ZFAND2A: variants seen among roughly 807,000 people sequenced by gnomAD.
ZFAND2A encodes the protein zinc finger AN1-type containing 2A, also known as AN1-type zinc finger protein 2A.
ZFAND2A carries 20 observed loss-of-function variants against 11.6 expected under a neutral mutation model. The observed-to-expected ratio is 1.72, with a 90% CI of 1.21 to 2.50. The LOEUF (loss-of-function observed/expected upper bound fraction) is 2.50, where lower values mean the gene tolerates loss of function less well. Ranked by LOEUF, ZFAND2A falls within the 30% of genes most tolerant of loss-of-function variation. ZFAND2A has a pLI of 0.00. For synonymous variants in ZFAND2A, 93 were observed against 60.6 expected (o/e 1.54, Z -2.48); for missense variants, 234 against 182.9 (o/e 1.28, Z -1.61).
chr7:1,152,876 C>A, downstream of ZFAND2A: 1 of 858,554 alleles, frequency 1.2e-6, no homozygotes. Context: ...TACTTGGTGA[C>A]GGCAGCAGTG....
At chr7:1,150,414 G>GA (rs1397176289), downstream of ZFAND2A, among the ~76,000 whole-genome samples, 1 of 152,048 alleles carries the variant, frequency 6.6e-6, no homozygotes. Flanking sequence ...GTTCAGAACA[G>GA]GACAGAACTT....
At chr7:1,151,260 A>C (rs1793392418), downstream of ZFAND2A, among the ~76,000 whole-genome samples, 1 of 152,154 alleles carries the variant, frequency 6.6e-6, no homozygotes, top group African/African-American at 2.4e-5. Context: ...TCTCTCACAC[A>C]GTGTCCCAGC....
chr7:1,153,357 C>T (rs766639520), intron 4 of ZFAND2A, 133 bp from the exon 5 acceptor site: 21 of 930,254 alleles, frequency 2.3e-5, no homozygotes, highest in Non-Finnish European at 3.3e-5. Flanking sequence ...AAGTGATTCT[C>T]CTGCTTCAGC....
At chr7:1,157,774 T>C in intron 2 of ZFAND2A, 24 bp from the exon 3 acceptor site, 3 of 1,513,500 alleles carry the variant, frequency 2.0e-6, no homozygotes, top group South Asian at 1.2e-5. Context: ...AACAGGGAAG[T>C]GTTTTAACGA....
rs1168742858 is a variant in ZFAND2A at position 1,160,028 on chromosome 7, T to C, written c.-110A>G. The C allele has an allele frequency of 3.9e-5, 6 of 154,272 alleles. No homozygotes were observed. In the Admixed American group the frequency reaches 3.9e-4, roughly 10 times the overall value. 9.6% of individuals were successfully genotyped at this position (154,272 alleles called of 1,614,324 possible). ...CAGATGGAAGAGACGTAAACTCAGG[T>C]GTCCTCCTCCGTAGTCGGCTCCGGG... On this transcript the variant is annotated 5_prime_UTR_variant, in exon 1 of 5. Transcript: ENST00000316495.
rs774780121 is a variant in ZFAND2A at position 1,153,144 on chromosome 7, G to A, written c.363C>T (p.Asn121=). The change falls in exon 5 of 5, where the codon AAC becomes AAT. Residue 121 remains asparagine, a synonymous_variant. Transcript: ENST00000316495. The part of the protein sequence containing the change: ...LQMVCAQCHG[N]FCIQHRHPLD... ...AAGGGTGTCTGTGCTGGATACAGAAGTTGCCGTGACATTGGGCACATACCA... is the reference window on the plus strand; with the variant it reads ...AAGGGTGTCTGTGCTGGATACAGAAATTGCCGTGACATTGGGCACATACCA... 6.2e-7 allele frequency: 1 copy of A among 1,614,248 alleles called. No individual in the cohort carries two copies. Among genetic ancestry groups the A allele is most frequent in the South Asian group, 1.1e-5 (1 of 91,088 alleles).
downstream of ZFAND2A, among the ~76,000 whole-genome samples, chr7:1,148,994 T>C (rs1793350457): frequency 6.6e-6 from 1 of 151,810 alleles, no homozygotes; most frequent in Non-Finnish European, 1.5e-5. Flanking sequence ...GACAACGTCT[T>C]ACTACATTGC....
In ZFAND2A at chr7:1,157,478, G is replaced by C. The variant is rs552835723; in HGVS notation, c.150+178C>G. The C allele has an allele frequency of 5.8e-6, 3 of 520,760 alleles. No homozygotes were observed. In the Admixed American group the frequency reaches 1.0e-4, roughly 18 times the overall value. 32.3% of individuals were successfully genotyped at this position (520,760 alleles called of 1,614,324 possible). ...CAGAATGTCCTGTGAGGGCAGACAC[G>C]CTCCTCTGTACTGCCTAACAGCAGG... On this transcript the variant is annotated intron_variant, in intron 3 of 4. Transcript: ENST00000316495.
At chr7:1,149,490 C>T (rs949555658), downstream of ZFAND2A, among the ~76,000 whole-genome samples, 11 of 152,344 alleles carry the variant, frequency 7.2e-5, no homozygotes, top group East Asian at 1.7e-3. Context: ...TGTTTTGACA[C>T]AGGCTAGGGC....
At chr7:1,157,853 G>T in intron 2 of ZFAND2A, 103 bp from the exon 3 acceptor site, 2 of 943,972 alleles carry the variant, frequency 2.1e-6, no homozygotes, top group Non-Finnish European at 3.1e-6. Context: ...AGGCCTATGA[G>T]ATGGACAGGT....
downstream of ZFAND2A, among the ~76,000 whole-genome samples, chr7:1,149,853 GTTTT>G (rs11349429): frequency 1.2e-3 from 168 of 139,886 alleles, no homozygotes; most frequent in Non-Finnish European, 2.3e-3. Flanking sequence ...TTGTTCTTAA[GTTTT>G]TTTTTTTTTT....
chr7:1,158,357 G>C, intron 1 of ZFAND2A, 100 bp from the exon 2 acceptor site: 1 of 741,432 alleles, frequency 1.3e-6, no homozygotes, highest in South Asian at 1.7e-5. Context: ...CAAACGCACT[G>C]TGTGGGGAGC....
rs529214373 is a variant in ZFAND2A at position 1,155,151 on chromosome 7, T to C, written c.282+302A>G. 9.2e-5 allele frequency among the ~76,000 whole-genome samples: 14 copies of C among 151,576 alleles called. No homozygotes were observed. The South Asian group carries it at 2.3e-3, about 25-fold the overall frequency. On this transcript the variant is annotated intron_variant, in intron 4 of 4. Coordinates refer to ENST00000316495, the MANE Select transcript of ZFAND2A (RefSeq NM_182491.4). ...ACAAACAAACAAACAAACAAACAAA[T>C]GAAACGCACATGAACAGAATGGATC...
downstream of ZFAND2A, among the ~76,000 whole-genome samples, chr7:1,149,335 G>GCAGAC (rs1793356484): frequency 6.6e-6 from 1 of 152,204 alleles, no homozygotes; most frequent in African/African-American, 2.4e-5. Flanking sequence ...CAGAGGTGCT[G>GCAGAC]CAGACGCAGG....
chr7:1,159,547 G>C (rs1318060491), intron 1 of ZFAND2A, among the ~76,000 whole-genome samples: 2 of 91,606 alleles, frequency 2.2e-5, no homozygotes, highest in East Asian at 6.2e-4. Context: ...GACCCCGGCA[G>C]GCCCGGTCCC....
rs118011996 is a variant in ZFAND2A, at chr7:1,153,868, G to A, written c.283-644C>T. Among the ~76,000 whole-genome samples, 207 of 152,272 alleles carry A rather than the reference G, an allele frequency of 1.4e-3. 1 individual carries two copies. The highest frequency in any genetic ancestry group is 2.6e-3 in the Non-Finnish European group (176 of 68,028). ...GGCTGAGGCAGGAGAATTGCTAGAGGAGGCAGAGGCGGCAGTGAGCTGAGA... is the reference window on the plus strand; with the variant it reads ...GGCTGAGGCAGGAGAATTGCTAGAGAAGGCAGAGGCGGCAGTGAGCTGAGA... On this transcript the variant is annotated intron_variant, in intron 4 of 4. Transcript: ENST00000316495.
downstream of ZFAND2A, among the ~76,000 whole-genome samples, chr7:1,150,082 C>T (rs1460611814): frequency 1.3e-5 from 2 of 151,762 alleles, no homozygotes; most frequent in Non-Finnish European, 2.9e-5. Context: ...CAAACTCCTC[C>T]AAATACCACA....
At position 1,153,000 on chromosome 7, in the gene ZFAND2A, C is replaced by G. The variant is rs750664844; in HGVS notation, c.*69G>C. The G allele has an allele frequency of 6.3e-7, 1 of 1,596,298 alleles. No homozygotes were observed. Among genetic ancestry groups the G allele is most frequent in the East Asian group, 2.3e-5 (1 of 44,242 alleles). The stretch of plus-strand genomic sequence containing the variant: ...GATGGTGCTCAATGGGGCTCCACTT[C>G]CCACTAGAGTGTAAGCTGCTTCCAC... On this transcript the variant is annotated 3_prime_UTR_variant, in exon 5 of 5. Transcript: ENST00000316495.
chr7:1,156,818 C>A (rs190446079), intron 3 of ZFAND2A, among the ~76,000 whole-genome samples: 1 of 152,228 alleles, frequency 6.6e-6, no homozygotes, highest in Non-Finnish European at 1.5e-5. Flanking sequence ...AAACGGTCTC[C>A]AGCCAGACCC....
Sources: allele counts gnomAD v4.1 joint callset (sites outside exome capture counted in the v4.1 genomes callset), GRCh38; gene constraint gnomAD v4.1.1; transcripts MANE v1.5; gene names NCBI Gene and HGNC (gene_info 2026-07-23, HGNC 2026-07-21).